The following PDE9A variants were observed in gnomAD, a reference collection of about 807,000 sequenced individuals.
PDE9A encodes the protein high affinity cGMP-specific 3',5'-cyclic phosphodiesterase 9A.
A neutral mutation model predicts 87.4 loss-of-function variants in PDE9A; 60 were observed. The ratio of observed to expected loss-of-function variants is 0.69; its 90% confidence interval spans 0.56 to 0.85. The LOEUF is 0.85. Ranked by LOEUF, PDE9A falls within the 40% of genes least tolerant of loss-of-function variation. The probability of loss-of-function intolerance (pLI) is 0.00; values close to 1 mark genes in which losing one functional copy is unlikely to be tolerated. For synonymous variants in PDE9A, 272 were observed against 279.4 expected, an observed-to-expected ratio of 0.97 and a Z score of 0.27; for missense variants, 665 against 779.0, an observed-to-expected ratio of 0.85 and a Z score of 1.74.
chr21:42,770,970 C>T (rs527726644), intron 18 of PDE9A, among the ~76,000 whole-genome samples, 172 bp downstream of exon 18: 6 of 152,352 alleles, frequency 3.9e-5, no homozygotes, highest in Admixed American at 2.0e-4. Context: ...TTAGGGAATG[C>T]GATGAGGGAA....
At chr21:42,671,988 C>G (rs2058588130) in intron 1 of PDE9A, among the ~76,000 whole-genome samples, 1 of 148,322 alleles carries the variant, frequency 6.7e-6, no homozygotes, top group Admixed American at 6.6e-5. Flanking sequence ...GCAGACAAAG[C>G]CTAGCAAAAT....
rs762752677 is a variant in PDE9A, at chr21:42,660,310, G to A, written c.69+6427G>A. On this transcript the variant is annotated intron_variant, in intron 1 of 19. Coordinates refer to ENST00000291539, the MANE Select transcript of PDE9A (RefSeq NM_002606.3). This position sits in a 1 kb window ranked among gnomAD's most constrained non-coding sequence, Gnocchi z 4.7. ...CTTTCTCCCCAGACAAACCCACCCTGAGCTCAGGATCCCTCCAGCTTCCAG... is the reference window on the plus strand; with the variant it reads ...CTTTCTCCCCAGACAAACCCACCCTAAGCTCAGGATCCCTCCAGCTTCCAG... Among the ~76,000 whole-genome samples the A allele has an allele frequency of 1.3e-4, 20 of 152,202 alleles. No homozygotes were observed. Among genetic ancestry groups the A allele is most frequent in the Non-Finnish European group, 2.8e-4 (19 of 68,034 alleles).
At chr21:42,772,073 G>A (rs2057068568) in intron 18 of PDE9A, among the ~76,000 whole-genome samples, 1 of 151,430 alleles carries the variant, frequency 6.6e-6, no homozygotes. Flanking sequence ...GGGGATAGTA[G>A]GGTTCCTTAA....
chr21:42,659,060 T>C lies in PDE9A; in HGVS notation c.69+5177T>C, dbSNP rs575975453. Among the ~76,000 whole-genome samples, 35 of 152,324 alleles carry C rather than the reference T, an allele frequency of 2.3e-4. No individual in the cohort carries two copies. Among genetic ancestry groups the C allele is most frequent in the Admixed American group, 1.6e-3 (25 of 15,306 alleles). On this transcript the variant is annotated intron_variant, in intron 1 of 19. Coordinates refer to ENST00000291539, the MANE Select transcript of PDE9A (RefSeq NM_002606.3). The surrounding 1 kb of genome is among the most constrained non-coding windows in gnomAD (Gnocchi z 4.1). ...TCCTTTTTCAACCAGCAATCAGCCA[T>C]GAAGTGCCTGACCACTTGAGAGCTA...
chr21:42,705,504 G>A lies in PDE9A; in HGVS notation c.262+6493G>A, dbSNP rs1263613272. ...ATTGGGTGCTGTGATCACAGCACGC[G>A]GGAAAAGGACAGGGCCTCCCTCAGC... On this transcript the variant is annotated intron_variant, in intron 4 of 19. Transcript: ENST00000291539. The surrounding 1 kb of genome is among the most constrained non-coding windows in gnomAD (Gnocchi z 4.3). Among the ~76,000 whole-genome samples, 1 of 152,162 alleles carries A rather than the reference G, an allele frequency of 6.6e-6. No individual in the cohort carries two copies. The highest frequency in any genetic ancestry group is 1.5e-5 in the Non-Finnish European group (1 of 68,030).
In PDE9A at chr21:42,733,365, A is replaced by G; in HGVS notation, c.507A>G (p.Lys169=). ...QVAEQFSRAF[K]INELKAEVAN... ...TCTTTTTCATTCCTAGAGCATTCAA[A>G]ATCAATGAACTGAAAGCTGAAGTTG... Residue 169 remains lysine (K), a synonymous_variant, in exon 7 of 20, where the codon AAA becomes AAG. Coordinates refer to ENST00000291539, the MANE Select transcript of PDE9A (RefSeq NM_002606.3). 6.3e-7 allele frequency: 1 copy of G among 1,588,562 alleles called. No homozygotes were observed. Among genetic ancestry groups the G allele is most frequent in the South Asian group, 1.1e-5 (1 of 90,522 alleles).
intron 13 of PDE9A, among the ~76,000 whole-genome samples, chr21:42,761,717 A>G (rs1225509114): frequency 6.6e-6 from 1 of 152,188 alleles, no homozygotes; most frequent in Non-Finnish European, 1.5e-5. Flanking sequence ...ACAGGTCAGC[A>G]GAGGCCTTGA....
intron 9 of PDE9A, 90 bp downstream of exon 9, chr21:42,751,287 T>C: frequency 1.1e-6 from 1 of 934,126 alleles, no homozygotes; most frequent in East Asian, 2.4e-5. Context: ...CCCTGCTGTG[T>C]GTACGTTCAC....
At chr21:42,698,728 T>C (rs1408926843) in intron 3 of PDE9A, among the ~76,000 whole-genome samples, 1 of 152,206 alleles carries the variant, frequency 6.6e-6, no homozygotes, top group Non-Finnish European at 1.5e-5. Flanking sequence ...ATGACAACAT[T>C]TATTTAATTG....
chr21:42,656,312 C>T (rs994511251), intron 1 of PDE9A, among the ~76,000 whole-genome samples: 11 of 152,232 alleles, frequency 7.2e-5, no homozygotes, highest in African/African-American at 2.7e-4. Flanking sequence ...GGCACACCCG[C>T]CCCTTCGTTA....
Position 42,775,303 on chromosome 21 carries a change from G to A in PDE9A, c.*10G>A. On this transcript the variant is annotated 3_prime_UTR_variant, in exon 20 of 20. Coordinates refer to ENST00000291539, the MANE Select transcript of PDE9A (RefSeq NM_002606.3). ...AGGAGACTGTGCCTGAGGAAAGCGG[G>A]GGGCGTGGCTGCAGTTCTGGACGGG... is the stretch of plus-strand genomic sequence containing the variant. The A allele has an allele frequency of 6.2e-7, 1 of 1,610,148 alleles. No individual in the cohort carries two copies.
At chr21:42,746,770 G>A (rs1403227790) in intron 8 of PDE9A, among the ~76,000 whole-genome samples, 1 of 152,240 alleles carries the variant, frequency 6.6e-6, no homozygotes, top group Non-Finnish European at 1.5e-5. Context: ...CCAGGTGCCT[G>A]TCAGGCACGC....
chr21:42,663,009 CCA>C lies in PDE9A; in HGVS notation c.69+9134_69+9135del, dbSNP rs751256674. On this transcript the variant is annotated intron_variant, in intron 1 of 19. Transcript: ENST00000291539. ...AGAACACACACCACACACACGCACA[CCA>C]CACACACGCACATATCACACACATG... 2.1e-4 allele frequency among the ~76,000 whole-genome samples: 31 copies of C among 148,378 alleles called. 1 individual carries two copies. Among genetic ancestry groups the C allele is most frequent in the African/African-American group, 4.2e-4 (17 of 40,152 alleles).
rs1312209126 is a variant in PDE9A, at chr21:42,695,441, C to T, written c.219-3527C>T. Among the ~76,000 whole-genome samples, 1 of 152,188 alleles carries T rather than the reference C, an allele frequency of 6.6e-6. No individual in the cohort carries two copies. Among genetic ancestry groups the T allele is most frequent in the African/African-American group, 2.4e-5 (1 of 41,442 alleles). ...CAGTGGAAGGAGATAAATCAGACAC[C>T]TCAGTAGCGTGAGTGAAAGTGGGGT... is the stretch of plus-strand genomic sequence containing the variant. On this transcript the variant is annotated intron_variant, in intron 3 of 19. Coordinates refer to ENST00000291539, the MANE Select transcript of PDE9A (RefSeq NM_002606.3). This position sits in a 1 kb window ranked among gnomAD's most constrained non-coding sequence, Gnocchi z 4.3.
At position 42,689,906 on chromosome 21, in the gene PDE9A, C is replaced by A. The variant is rs55687731; in HGVS notation, c.218+1912C>A. On this transcript the variant is annotated intron_variant, in intron 3 of 19. Coordinates refer to ENST00000291539, the MANE Select transcript of PDE9A (RefSeq NM_002606.3). The stretch of plus-strand genomic sequence containing the variant: ...AGACACACGCAGTTGAGGATACAGG[C>A]GAAGAAGATGGAGACACACGCGGAT... The A allele has an allele frequency of 2.6e-3, 2,339 of 916,364 alleles. 5 individuals carry two copies. The African/African-American group carries it at 0.049, about 19-fold the overall frequency. 56.8% of individuals were successfully genotyped at this position (916,364 alleles called of 1,614,324 possible). A position where few individuals can be genotyped will look rare whatever the true frequency, so the allele number is the denominator to read the frequency against.
intron 15 of PDE9A, among the ~76,000 whole-genome samples, chr21:42,766,632 C>T (rs2056430101): frequency 6.6e-6 from 1 of 152,154 alleles, no homozygotes; most frequent in Non-Finnish European, 1.5e-5. Context: ...GGAGCTCCCG[C>T]AGGCAAGGGC....
At chr21:42,711,583 A>G (rs2049349247) in intron 4 of PDE9A, among the ~76,000 whole-genome samples, 1 of 152,072 alleles carries the variant, frequency 6.6e-6, no homozygotes, top group South Asian at 2.1e-4. Flanking sequence ...GCCTGGCCCT[A>G]ATAATTTTTT....
chr21:42,728,475 C>A (rs560552260), intron 4 of PDE9A, among the ~76,000 whole-genome samples: 2 of 152,062 alleles, frequency 1.3e-5, no homozygotes, highest in South Asian at 4.1e-4. Context: ...TCTTCTTTAG[C>A]CTGTTGATTG....
chr21:42,715,762 C>A lies in PDE9A; in HGVS notation c.263-16008C>A, dbSNP rs560561737. ...CTGGGTTTGGACAAATATATGATGA[C>A]CTGTGTGTCCCATCCCAGTCTCAGA... On this transcript the variant is annotated intron_variant, in intron 4 of 19. Coordinates refer to ENST00000291539, the MANE Select transcript of PDE9A (RefSeq NM_002606.3). Among the ~76,000 whole-genome samples the A allele has an allele frequency of 7.8e-3, 1,186 of 151,860 alleles. 30 individuals are homozygous for A. Among genetic ancestry groups the A allele is most frequent in the Admixed American group, 0.029 (440 of 15,234 alleles).
Sources: allele counts gnomAD v4.1 joint callset (sites outside exome capture counted in the v4.1 genomes callset), GRCh38; gene constraint gnomAD v4.1.1; non-coding constraint Gnocchi (gnomAD v3.1); transcripts MANE v1.5; gene names NCBI Gene and HGNC (gene_info 2026-07-23, HGNC 2026-07-21).